Variants in EGF observed in about 807,000 individuals in gnomAD.
EGF encodes epidermal growth factor, also known as pro-epidermal growth factor.
A neutral mutation model predicts 143.8 loss-of-function variants in EGF; 95 were observed. The ratio of observed to expected loss-of-function variants is 0.66; its 90% CI spans 0.56 to 0.78. EGF has a LOEUF of 0.78. EGF is among the 30% of genes least tolerant of loss of function. EGF has a pLI of 0.00. For missense variants in EGF, 1,320 were observed against 1,470.9 expected, an observed-to-expected ratio of 0.90 and a Z score of 1.68; for synonymous variants, 510 against 510.5, an observed-to-expected ratio of 1.00 and a Z score of 0.01.
At chr4:110,002,171 C>T (rs1752651455) in intron 21 of EGF, 2 of 461,574 alleles carry the variant, frequency 4.3e-6, no homozygotes, top group Middle Eastern at 1.1e-3. Flanking sequence ...TGTTTGATAC[C>T]GTTTGTCTTC....
At chr4:110,003,801 T>C (rs1193814195) in intron 21 of EGF, among the ~76,000 whole-genome samples, 1 of 151,780 alleles carries the variant, frequency 6.6e-6, no homozygotes, top group African/African-American at 2.4e-5. Context: ...ACCTAGTGTA[T>C]TTCCTGGCTT....
intron 1 of EGF, among the ~76,000 whole-genome samples, chr4:109,928,789 CT>C (rs991432690): frequency 3.9e-5 from 6 of 152,112 alleles, no homozygotes; most frequent in Non-Finnish European, 7.4e-5. Context: ...TAAGATCTTT[CT>C]TTTAATGTTA....
intron 1 of EGF, among the ~76,000 whole-genome samples, chr4:109,921,758 TG>T (rs955691670): frequency 6.6e-6 from 1 of 151,602 alleles, no homozygotes; most frequent in African/African-American, 2.4e-5. Flanking sequence ...CTTCAGCACA[TG>T]GTGTATCAGT....
chr4:109,923,714 G>T (rs973501326), intron 1 of EGF, among the ~76,000 whole-genome samples: 2 of 151,542 alleles, frequency 1.3e-5, no homozygotes, highest in Non-Finnish European at 2.9e-5. Flanking sequence ...TTGACTTCCT[G>T]AGCTCAGGTG....
At chr4:109,991,832 G>T (rs1289903514) in intron 18 of EGF, among the ~76,000 whole-genome samples, 1 of 152,050 alleles carries the variant, frequency 6.6e-6, no homozygotes, top group Non-Finnish European at 1.5e-5. Context: ...CAGGAAGAAA[G>T]CTTCCAGCCT....
intron 15 of EGF, 56 bp downstream of exon 15, chr4:109,981,031 T>C: frequency 6.2e-7 from 1 of 1,603,406 alleles, no homozygotes; most frequent in Non-Finnish European, 8.5e-7. Flanking sequence ...AATACAGCTG[T>C]ACATCAATCT....
intron 9 of EGF, among the ~76,000 whole-genome samples, chr4:109,963,519 G>A (rs1578274605): frequency 6.6e-6 from 1 of 152,122 alleles, no homozygotes; most frequent in South Asian, 2.1e-4. Flanking sequence ...GCAAAGATTT[G>A]CCATAATATC....
intron 5 of EGF, among the ~76,000 whole-genome samples, chr4:109,958,278 AT>A (rs546916749): frequency 6.6e-6 from 1 of 152,070 alleles, no homozygotes; most frequent in East Asian, 1.9e-4. Flanking sequence ...GCTTTGTGGA[AT>A]TTTTTTTCCC....
intron 1 of EGF, among the ~76,000 whole-genome samples, chr4:109,931,363 G>C (rs1319208235): frequency 6.6e-6 from 1 of 152,204 alleles, no homozygotes; most frequent in Non-Finnish European, 1.5e-5. Flanking sequence ...GATGTTGACA[G>C]TGTAGGAAAA....
chr4:109,961,023 T>C (rs1745605530), intron 7 of EGF, 34 bp downstream of exon 7: 2 of 1,611,624 alleles, frequency 1.2e-6, no homozygotes, highest in Non-Finnish European at 1.7e-6. Context: ...ATTGCATTAG[T>C]TTTCTTCATT....
intron 20 of EGF, among the ~76,000 whole-genome samples, chr4:109,997,078 A>G (rs1751900223): frequency 6.6e-6 from 1 of 151,958 alleles, no homozygotes; most frequent in Non-Finnish European, 1.5e-5. Context: ...CAGAGTTTTT[A>G]AGGACAGCTT....
Position 109,993,243 on chromosome 4 carries a change from A to G in EGF, c.2735-4A>G. ...TCTCTCCCGTACTCTGTCTTTTCTG[A>G]CAGATATTGATGAGTGCCAACTGGG... On this transcript the variant is annotated splice_region_variant and splice_polypyrimidine_tract_variant and intron_variant, in intron 18 of 23. Coordinates refer to ENST00000265171, the MANE Select transcript of EGF (RefSeq NM_001963.6). The G allele has an allele frequency of 1.2e-6, 2 of 1,613,594 alleles. No individual in the cohort carries two copies. Among genetic ancestry groups the G allele is most frequent in the South Asian group, 2.2e-5 (2 of 91,060 alleles).
chr4:109,947,378 C>A (rs115527895), intron 5 of EGF, among the ~76,000 whole-genome samples: 3,515 of 141,952 alleles, frequency 0.025, 130 homozygotes, highest in African/African-American at 0.083. Context: ...CTTCTACTTT[C>A]TTTTTTTTTT....
At chr4:109,995,295 A>G (rs983537889) in intron 20 of EGF, among the ~76,000 whole-genome samples, 2 of 152,236 alleles carry the variant, frequency 1.3e-5, no homozygotes, top group Non-Finnish European at 2.9e-5. Flanking sequence ...AGTTTGGTAC[A>G]TATTCACACT....
chr4:109,987,260 G>A (rs1163621551), intron 16 of EGF, among the ~76,000 whole-genome samples: 7 of 152,038 alleles, frequency 4.6e-5, no homozygotes, highest in Non-Finnish European at 1.5e-5. Context: ...TTCTTTGAGG[G>A]CACATAAACA....
chr4:109,980,891 G>A lies in EGF; in HGVS notation c.2287G>A (p.Ala763Thr), dbSNP rs1231075699. ...EHICKKRLGT[A>T]WCSCREGFMK... ...TATTTGCAAAAAGAGGCTTGGAACT[G>A]CTTGGTGTTCGTGTCGTGAAGGTTT... The change falls in exon 15 of 24, where the codon GCT becomes ACT. Residue 763 changes from alanine (A) to threonine (T), a missense_variant. Ala to Thr is a moderately conservative substitution (Grantham distance 58). Around this residue, in one of 5 missense-constraint regions of EGF, gnomAD observed 1,186 missense variants for 1,313.7 expected, o/e 0.90. Transcript: ENST00000265171. The A allele has an allele frequency of 6.2e-7, 1 of 1,614,100 alleles. No homozygotes were observed. Among genetic ancestry groups the A allele is most frequent in the African/African-American group, 1.3e-5 (1 of 75,038 alleles).
intron 5 of EGF, among the ~76,000 whole-genome samples, chr4:109,949,655 A>G (rs1334386678): frequency 6.6e-6 from 1 of 151,720 alleles, no homozygotes; most frequent in African/African-American, 2.4e-5. Flanking sequence ...AATTTTTTTA[A>G]AAAAAGGACT....
intron 11 of EGF, among the ~76,000 whole-genome samples, chr4:109,972,408 C>T (rs1380085822): frequency 6.6e-6 from 1 of 152,002 alleles, no homozygotes; most frequent in Non-Finnish European, 1.5e-5. Flanking sequence ...AATTCCTGCC[C>T]GAAACAGAAT....
In EGF at chr4:109,922,126, C is replaced by T. The variant is rs115424960; in HGVS notation, c.127+8664C>T. ...GCAAGGAAATTGCAAAGGTTATTGT[C>T]ATTAATGTTAATTTACCCACTATAT... On this transcript the variant is annotated intron_variant, in intron 1 of 23. Transcript: ENST00000265171. Among the ~76,000 whole-genome samples, 1,214 of 151,682 alleles carry T rather than the reference C, an allele frequency of 8.0e-3. 14 individuals carry two copies. The highest frequency in any genetic ancestry group is 0.015 in the Non-Finnish European group (1,006 of 68,032).
Sources: gnomAD v4.1 joint callset for allele counts (sites outside exome capture counted in the v4.1 genomes callset) on GRCh38, gnomAD v4.1.1 for gene constraint, gnomAD v4.1.1 regional missense constraint, MANE v1.5 for transcripts, NCBI Gene and HGNC (gene_info 2026-07-23, HGNC 2026-07-21) for gene names.